The following POU2F1 variants were observed in gnomAD, a reference collection of about 807,000 sequenced individuals.
POU2F1 encodes POU domain, class 2, transcription factor 1.
POU2F1 carries 16 observed loss-of-function variants against 84.9 expected under a neutral mutation model. That is an observed-to-expected ratio of 0.19 (90% confidence interval 0.13 to 0.29). POU2F1 has a LOEUF of 0.29. POU2F1 is among the 10% of genes least tolerant of loss of function. The probability of loss-of-function intolerance (pLI) is 1.00; values close to 1 mark genes in which losing one functional copy is unlikely to be tolerated. For missense variants in POU2F1, 738 were observed against 942.6 expected, an observed-to-expected ratio of 0.78 and a Z score of 2.84; for synonymous variants, 368 against 368.3, an observed-to-expected ratio of 1.00 and a Z score of 0.01.
At chr1:167,413,630 C>T (rs1571472433) in intron 15 of POU2F1, among the ~76,000 whole-genome samples, 1 of 152,228 alleles carries the variant, frequency 6.6e-6, no homozygotes, top group East Asian at 1.9e-4. Flanking sequence ...CTTTTTATAT[C>T]GCCGTTAGTG....
chr1:167,415,114 C>G (rs1650215164), intron 15 of POU2F1, among the ~76,000 whole-genome samples: 1 of 152,144 alleles, frequency 6.6e-6, no homozygotes, highest in Non-Finnish European at 1.5e-5. Flanking sequence ...GCTAGTTTGT[C>G]CTTTGAACAG....
intron 13 of POU2F1, among the ~76,000 whole-genome samples, chr1:167,402,365 A>G (rs368795091): frequency 5.4e-4 from 83 of 152,318 alleles, no homozygotes; most frequent in African/African-American, 2.0e-3. Context: ...TAAGTTTACA[A>G]TGCCTCCTTG....
chr1:167,317,369 C>G (rs571548401), intron 1 of POU2F1, among the ~76,000 whole-genome samples: 19 of 152,218 alleles, frequency 1.2e-4, no homozygotes, highest in Non-Finnish European at 2.1e-4. Flanking sequence ...TTGTCCTTGT[C>G]GAGACCAGCT....
At chr1:167,362,740 G>A (rs1659424855) in intron 2 of POU2F1, among the ~76,000 whole-genome samples, 1 of 152,156 alleles carries the variant, frequency 6.6e-6, no homozygotes, top group African/African-American at 2.4e-5. Context: ...TTTAGGATTG[G>A]CTAATTTGAA....
intron 10 of POU2F1, among the ~76,000 whole-genome samples, chr1:167,397,117 C>G (rs1412870304): frequency 6.6e-6 from 1 of 152,162 alleles, no homozygotes; most frequent in Non-Finnish European, 1.5e-5. Flanking sequence ...CAGATAAGAA[C>G]CACTGGTTTA....
chr1:167,347,530 T>C (rs1658279933), intron 2 of POU2F1, among the ~76,000 whole-genome samples: 1 of 152,194 alleles, frequency 6.6e-6, no homozygotes, highest in Non-Finnish European at 1.5e-5. Flanking sequence ...TTTTTTAGAT[T>C]GAGGTGAAAT....
chr1:167,256,254 A>C (rs1651126078), intron 1 of POU2F1, among the ~76,000 whole-genome samples: 1 of 152,172 alleles, frequency 6.6e-6, no homozygotes, highest in Non-Finnish European at 1.5e-5. Flanking sequence ...TGGGGGTAGA[A>C]GAGAAGAGAG....
chr1:167,244,209 A>G (rs920205171), intron 1 of POU2F1, among the ~76,000 whole-genome samples: 1 of 152,198 alleles, frequency 6.6e-6, no homozygotes, highest in African/African-American at 2.4e-5. Context: ...GAAGGAGAGA[A>G]TTTTTGTGGG....
At chr1:167,398,743 G>T (rs1030374649) in intron 11 of POU2F1, among the ~76,000 whole-genome samples, 1 of 152,180 alleles carries the variant, frequency 6.6e-6, no homozygotes, top group African/African-American at 2.4e-5. Flanking sequence ...CTCTGAATTA[G>T]GAGTTTTTGT....
At chr1:167,343,632 ATTTT>A (rs869170039) in intron 2 of POU2F1, among the ~76,000 whole-genome samples, 2 of 69,392 alleles carry the variant, frequency 2.9e-5, no homozygotes, top group Non-Finnish European at 5.6e-5. Context: ...CCAGGGGTCA[ATTTT>A]TTTTTTTTTT....
Position 167,412,171 on chromosome 1 carries a change from T to C in POU2F1, c.1768T>C (p.Ser590Pro). ...GACCAGCCAGGTGATGGTGACAGCATCAGGTTTGCAAACAGCAGCAGCTGC... is the reference window on the plus strand; with the variant it reads ...GACCAGCCAGGTGATGGTGACAGCACCAGGTTTGCAAACAGCAGCAGCTGC... ...LGTSQVMVTA[S>P]GLQTAAAAAL... Residue 590 changes from serine to proline, a missense_variant, in exon 14 of 16, where the codon TCA becomes CCA. Transcript: ENST00000367866. 1 of 1,614,134 alleles carries C rather than the reference T, an allele frequency of 6.2e-7. No individual in the cohort carries two copies. The highest frequency in any genetic ancestry group is 8.5e-7 in the Non-Finnish European group (1 of 1,179,982).
chr1:167,370,256 T>C (rs1557933775), intron 4 of POU2F1, 42 bp downstream of exon 4: 1 of 1,515,804 alleles, frequency 6.6e-7, no homozygotes, highest in African/African-American at 1.4e-5. Context: ...TTTTATTTAT[T>C]TTTTCTTATA....
intron 2 of POU2F1, among the ~76,000 whole-genome samples, chr1:167,352,768 G>A (rs72693637): frequency 4.8e-4 from 73 of 152,218 alleles, no homozygotes; most frequent in Non-Finnish European, 8.5e-4. Flanking sequence ...TTAGTATAGC[G>A]GGCTTGAGAT....
chr1:167,339,553 C>T (rs1398061141), intron 2 of POU2F1, among the ~76,000 whole-genome samples: 1 of 152,216 alleles, frequency 6.6e-6, no homozygotes, highest in African/African-American at 2.4e-5. Flanking sequence ...AAGTTTTGCT[C>T]ACTTTTAACT....
intron 1 of POU2F1, among the ~76,000 whole-genome samples, chr1:167,235,148 G>T (rs1649353999): frequency 6.6e-6 from 1 of 152,116 alleles, no homozygotes; most frequent in Admixed American, 6.5e-5. Context: ...ATCATGCCCT[G>T]CATCACCTTG....
intron 1 of POU2F1, among the ~76,000 whole-genome samples, chr1:167,279,728 A>T (rs1343088684): frequency 1.3e-5 from 2 of 152,066 alleles, no homozygotes; most frequent in Non-Finnish European, 2.9e-5. Context: ...AAAAAAAACC[A>T]TATGTTCCAG....
At chr1:167,313,242 A>G (rs1655626928) in intron 1 of POU2F1, among the ~76,000 whole-genome samples, 1 of 152,216 alleles carries the variant, frequency 6.6e-6, no homozygotes, top group African/African-American at 2.4e-5. Flanking sequence ...CATAGGAAAC[A>G]TCAGTTCTCC....
intron 1 of POU2F1, among the ~76,000 whole-genome samples, chr1:167,232,060 T>C (rs1306096554): frequency 1.3e-5 from 2 of 152,162 alleles, no homozygotes; most frequent in African/African-American, 4.8e-5. Flanking sequence ...CAGCAGGCCC[T>C]GTGGAACCCG....
chr1:167,241,154 A>AT (rs1271874475), intron 1 of POU2F1, among the ~76,000 whole-genome samples: 1 of 152,124 alleles, frequency 6.6e-6, no homozygotes, highest in Non-Finnish European at 1.5e-5. Flanking sequence ...AAATAAATAA[A>AT]TAAATAAATA....
Sources: gnomAD v4.1 joint callset for allele counts (sites outside exome capture counted in the v4.1 genomes callset) on GRCh38, gnomAD v4.1.1 for gene constraint, MANE v1.5 for transcripts, NCBI Gene and HGNC (gene_info 2026-07-23, HGNC 2026-07-21) for gene names.